Variants in SYTL2 observed in about 807,000 individuals in gnomAD.
SYTL2 encodes synaptotagmin like 2, also known as synaptotagmin-like protein 2.
In SYTL2, 165 loss-of-function variants were observed where a neutral mutation model predicts 198.7. The ratio of observed to expected loss-of-function variants is 0.83; its 90% CI spans 0.73 to 0.94. The LOEUF (loss-of-function observed/expected upper bound fraction) is 0.94. Ranked by LOEUF, SYTL2 falls within the 40% of genes least tolerant of loss-of-function variation. The pLI, the probability that SYTL2 is intolerant of heterozygous loss-of-function variation, is 0.00. For missense variants in SYTL2, 2,835 were observed against 2,582.8 expected (o/e 1.10, Z -2.12); for synonymous variants, 966 against 917.7 (o/e 1.05, Z -0.95).
chr11:85,811,706 C>T (rs982975487), upstream of SYTL2, among the ~76,000 whole-genome samples: 1 of 152,178 alleles, frequency 6.6e-6, no homozygotes, highest in African/African-American at 2.4e-5. Flanking sequence ...AAGGTGAGGG[C>T]GTCATGCACT....
intron 1 of SYTL2, among the ~76,000 whole-genome samples, chr11:85,797,133 T>C (rs1436813886): frequency 6.6e-6 from 1 of 152,162 alleles, no homozygotes; most frequent in Non-Finnish European, 1.5e-5. Context: ...CAAGGCTGAA[T>C]AGCTAGGACT....
the SYTL2 span, among the ~76,000 whole-genome samples, chr11:85,835,114 C>T: frequency 6.6e-6 from 1 of 152,064 alleles, no homozygotes; most frequent in Admixed American, 6.6e-5. Flanking sequence ...TTTATTAAGA[C>T]ATAACACCAT....
intron 15 of SYTL2, 39 bp from the exon 16 acceptor site, chr11:85,705,067 T>C (rs764406931): frequency 2.0e-6 from 3 of 1,493,386 alleles, no homozygotes; most frequent in South Asian, 2.3e-5. Context: ...TGAAAAACAT[T>C]ACTTGATGCC....
rs187540313 is a variant in SYTL2, at chr11:85,711,391, G to A, written c.5626-159C>T. Among the ~76,000 whole-genome samples the A allele has an allele frequency of 9.8e-5, 15 of 152,312 alleles. No homozygotes were observed. In the East Asian group the frequency reaches 2.7e-3, roughly 27 times the overall value. On this transcript the variant is annotated intron_variant, in intron 12 of 19. Coordinates refer to ENST00000359152, the MANE Select transcript of SYTL2 (RefSeq NM_206927.4). The stretch of plus-strand genomic sequence containing the variant: ...GCCAGGGTATGGGATTCAGGATGGA[G>A]TGGGTGGTCTGCCTTGACCTCACCT...
chr11:85,806,369 A>G (rs898429590), intron 1 of SYTL2, among the ~76,000 whole-genome samples: 16 of 152,214 alleles, frequency 1.1e-4, no homozygotes, highest in Non-Finnish European at 7.3e-5. Flanking sequence ...CAAAAGTCCT[A>G]GCACAGGTCC....
chr11:85,783,915 T>C (rs761009437), intron 1 of SYTL2, among the ~76,000 whole-genome samples: 6 of 152,202 alleles, frequency 3.9e-5, no homozygotes, highest in Non-Finnish European at 8.8e-5. Flanking sequence ...CTGCACACTC[T>C]GTGGCCTGGC....
intron 3 of SYTL2, among the ~76,000 whole-genome samples, chr11:85,746,098 T>C (rs1204880691): frequency 6.6e-6 from 1 of 152,196 alleles, no homozygotes; most frequent in South Asian, 2.1e-4. Flanking sequence ...TAAATGTGCA[T>C]GGCCAGGGGA....
the SYTL2 span, among the ~76,000 whole-genome samples, chr11:85,823,469 T>G: frequency 6.6e-6 from 1 of 152,262 alleles, no homozygotes; most frequent in African/African-American, 2.4e-5. Context: ...AGAAATAGCA[T>G]GTGGACTTGA....
chr11:85,833,277 G>A, the SYTL2 span, among the ~76,000 whole-genome samples: 2 of 147,958 alleles, frequency 1.4e-5, no homozygotes, highest in Admixed American at 1.4e-4. Context: ...CCATTATGTA[G>A]GTATTTGGGT....
chr11:85,751,002 C>A (rs1299296409), intron 2 of SYTL2, among the ~76,000 whole-genome samples: 1 of 151,950 alleles, frequency 6.6e-6, no homozygotes, highest in Non-Finnish European at 1.5e-5. Flanking sequence ...TTGATCTGTT[C>A]CTGCCTAAAT....
the SYTL2 span, among the ~76,000 whole-genome samples, chr11:85,841,539 G>A: frequency 6.6e-6 from 1 of 152,152 alleles, no homozygotes; most frequent in Non-Finnish European, 1.5e-5. Flanking sequence ...TGGAGCTGGA[G>A]GCCATTATCC....
intron 1 of SYTL2, among the ~76,000 whole-genome samples, chr11:85,787,701 CTTTTTTT>C (rs56177666): frequency 3.3e-5 from 3 of 90,414 alleles, no homozygotes; most frequent in South Asian, 8.1e-4. Context: ...TTTTCTTTTC[CTTTTTTT>C]TTTTTTTTTT....
intron 2 of SYTL2, among the ~76,000 whole-genome samples, chr11:85,750,152 T>C (rs2091427344): frequency 6.6e-6 from 1 of 152,072 alleles, no homozygotes; most frequent in South Asian, 2.1e-4. Context: ...CCAAATTACA[T>C]CCAAATCTCA....
intron 1 of SYTL2, among the ~76,000 whole-genome samples, chr11:85,783,335 A>T (rs1388861085): frequency 3.9e-5 from 6 of 152,282 alleles, no homozygotes; most frequent in African/African-American, 1.4e-4. Context: ...AGCAGCATAG[A>T]GGTAACCACC....
the SYTL2 span, among the ~76,000 whole-genome samples, chr11:85,851,497 A>G: frequency 3.9e-5 from 6 of 152,256 alleles, no homozygotes; most frequent in Non-Finnish European, 7.3e-5. Flanking sequence ...AACAGACAGC[A>G]TATTTGGCTT....
chr11:85,750,145 A>G (rs1183918515), intron 2 of SYTL2, among the ~76,000 whole-genome samples: 2 of 152,098 alleles, frequency 1.3e-5, no homozygotes, highest in Non-Finnish European at 2.9e-5. Context: ...AGGCTCCCCA[A>G]ATTACATCCA....
chr11:85,768,195 T>C (rs1430950013), intron 1 of SYTL2, among the ~76,000 whole-genome samples: 1 of 152,226 alleles, frequency 6.6e-6, no homozygotes, highest in Non-Finnish European at 1.5e-5. Context: ...ACTGAGCTCC[T>C]ACTGTGTGCA....
intron 1 of SYTL2, among the ~76,000 whole-genome samples, chr11:85,787,384 T>C (rs768929981): frequency 3.9e-5 from 6 of 152,328 alleles, no homozygotes; most frequent in Middle Eastern, 3.4e-3. Context: ...TAGCTCAAAA[T>C]AGCAGCCATT....
Position 85,700,759 on chromosome 11 carries a change from A to C in SYTL2, c.6190-166T>G, listed in dbSNP as rs2084172413. 3 of 537,806 alleles carry C rather than the reference A, an allele frequency of 5.6e-6. No homozygotes were observed. In the East Asian group the frequency reaches 8.7e-5, roughly 16 times the overall value. The allele number at this position is 537,806 out of a possible 1,614,324, so 33.3% of individuals were successfully genotyped here. On this transcript the variant is annotated intron_variant, in intron 16 of 19. Transcript: ENST00000359152. Reference sequence around the variant, plus strand: ...TGCATCAGAACTAGACTGTTGCCTTAATACCTGGGAAAACTAGGTTGTATA... The same window carrying C: ...TGCATCAGAACTAGACTGTTGCCTTCATACCTGGGAAAACTAGGTTGTATA...
Sources: gnomAD v4.1 joint callset for allele counts (sites outside exome capture counted in the v4.1 genomes callset) on GRCh38, gnomAD v4.1.1 for gene constraint, MANE v1.5 for transcripts, NCBI Gene and HGNC (gene_info 2026-07-23, HGNC 2026-07-21) for gene names.